ZER1: variants seen among roughly 807,000 people sequenced by gnomAD.
ZER1 encodes the protein zyg-11 related cell cycle regulator.
ZER1 carries 11 observed loss-of-function variants against 78.8 expected under a neutral mutation model. The observed-to-expected ratio is 0.14, with a 90% CI of 0.09 to 0.23. ZER1 has a LOEUF of 0.23. Among genes scored for constraint, ZER1 ranks in the 10% least tolerant of loss-of-function variants. The pLI is 1.00. For synonymous variants in ZER1, 400 were observed against 407.0 expected (o/e 0.98, Z 0.21); for missense variants, 588 against 996.9 (o/e 0.59, Z 5.52).
intron 13 of ZER1, among the ~76,000 whole-genome samples, chr9:128,738,365 T>C (rs1182433044): frequency 1.4e-5 from 2 of 145,202 alleles, no homozygotes; most frequent in African/African-American, 5.1e-5. Context: ...TCTTGTTTTT[T>C]TAATTTATTT....
intron 1 of ZER1, among the ~76,000 whole-genome samples, chr9:128,764,164 A>T (rs1244110991): frequency 6.6e-6 from 1 of 152,202 alleles, no homozygotes; most frequent in African/African-American, 2.4e-5. Context: ...ACTATTTGCT[A>T]AATGAACAAA....
In ZER1 at chr9:128,731,363, C is replaced by A; in HGVS notation, c.2275G>T (p.Glu759Ter). Reference sequence around the variant, plus strand: ...TATCTAGACGTGTCCATGTTCTCCTCTTTAAAGTTACTGCAGTGCTCAATC... The same window carrying A: ...TATCTAGACGTGTCCATGTTCTCCTATTTAAAGTTACTGCAGTGCTCAATC... ...KVIEHCSNFK[E>*]ENMDTSR The change falls in exon 16 of 16, where the codon GAG becomes TAG. Residue 759 changes from glutamate (E) to a stop codon, truncating the protein, a stop_gained. Coordinates refer to ENST00000291900, the MANE Select transcript of ZER1 (RefSeq NM_006336.4). LOFTEE classifies it high-confidence loss of function. 1.4e-6 allele frequency: 2 copies of A among 1,430,732 alleles called. No homozygotes were observed. The highest frequency in any genetic ancestry group is 1.5e-5 in the African/African-American group (1 of 65,262). 88.6% of individuals were successfully genotyped at this position (1,430,732 alleles called of 1,614,324 possible). A position where few individuals can be genotyped will look rare whatever the true frequency, so the allele number is the denominator to read the frequency against.
At chr9:128,731,441 G>GGGGTTGGGGGGGGGGGGGGGGGGGGGC in intron 15 of ZER1, 47 bp from the exon 16 acceptor site, 1 of 704,914 alleles carries the variant, frequency 1.4e-6, no homozygotes, top group Non-Finnish European at 2.6e-6. Flanking sequence ...CTTGGGTGGG[G>GGGGTTGGGGGGGGGGGGGGGGGGGGGC]GTGAGCCCAG....
chr9:128,766,365 A>G (rs1864208600), intron 1 of ZER1, among the ~76,000 whole-genome samples: 1 of 151,826 alleles, frequency 6.6e-6, no homozygotes, highest in Non-Finnish European at 1.5e-5. Context: ...AAAAAAAAAA[A>G]AGAACTCTGT....
intron 1 of ZER1, among the ~76,000 whole-genome samples, chr9:128,770,491 A>G (rs1468912067): frequency 6.6e-6 from 1 of 152,122 alleles, no homozygotes; most frequent in African/African-American, 2.4e-5. Flanking sequence ...CTCTGCCACA[A>G]GAGAACTACC....
At chr9:128,771,110 C>G (rs1302433279) in intron 1 of ZER1, among the ~76,000 whole-genome samples, 1 of 152,240 alleles carries the variant, frequency 6.6e-6, no homozygotes, top group East Asian at 1.9e-4. Context: ...ACAAGTTCCA[C>G]CCAGAGAGCT....
At chr9:128,769,372 T>C (rs558522776) in intron 1 of ZER1, among the ~76,000 whole-genome samples, 1 of 152,324 alleles carries the variant, frequency 6.6e-6, no homozygotes, top group African/African-American at 2.4e-5. Flanking sequence ...CCCATGATTT[T>C]ATCTAATCCA....
intron 1 of ZER1, among the ~76,000 whole-genome samples, chr9:128,762,032 T>C (rs868325549): frequency 3.9e-5 from 6 of 152,182 alleles, no homozygotes; most frequent in African/African-American, 1.4e-4. Flanking sequence ...GTCCATGGGC[T>C]GCATGTGGCC....
In ZER1 at chr9:128,753,726, C is replaced by T; in HGVS notation, c.309+83G>A. 1 of 1,558,892 alleles carries T rather than the reference C, an allele frequency of 6.4e-7. No individual in the cohort carries two copies. Among genetic ancestry groups the T allele is most frequent in the Admixed American group, 1.9e-5 (1 of 53,068 alleles). Reference sequence around the variant, plus strand: ...ACAGTCACGGTGCACACTGGCTGGGCTGGGGATGGCTGGGCTGGAGGCGAG... The same window carrying T: ...ACAGTCACGGTGCACACTGGCTGGGTTGGGGATGGCTGGGCTGGAGGCGAG... On this transcript the variant is annotated intron_variant, in intron 3 of 15. Transcript: ENST00000291900. This position sits in a 1 kb window ranked among gnomAD's most constrained non-coding sequence, Gnocchi z 7.5.
At position 128,755,391 on chromosome 9, in the gene ZER1, G is replaced by A. The variant is rs372700257; in HGVS notation, c.158+17C>T. 5.5e-5 allele frequency: 89 copies of A among 1,613,526 alleles called. No homozygotes were observed. The highest frequency in any genetic ancestry group is 1.6e-4 in the Middle Eastern group (1 of 6,078). ...ATGGTAAGACCCCTGCCCCTCCTCA[G>A]CCCTGGGTCTGCTCACTCATTGACG... On this transcript the variant is annotated intron_variant, in intron 2 of 15. Coordinates refer to ENST00000291900, the MANE Select transcript of ZER1 (RefSeq NM_006336.4). The surrounding 1 kb of genome is among the most constrained non-coding windows in gnomAD (Gnocchi z 5.6).
At chr9:128,758,404 G>A (rs1863931204) in intron 1 of ZER1, among the ~76,000 whole-genome samples, 1 of 151,296 alleles carries the variant, frequency 6.6e-6, no homozygotes, top group East Asian at 1.9e-4. Context: ...GGGATTACAG[G>A]TGTGAGCCAC....
intron 15 of ZER1, among the ~76,000 whole-genome samples, chr9:128,731,615 C>T (rs1862826121): frequency 6.6e-6 from 1 of 152,204 alleles, no homozygotes; most frequent in South Asian, 2.1e-4. Flanking sequence ...TCCTCCGCTT[C>T]CTTCCTTTCC....
At chr9:128,738,417 G>A (rs1221872642) in intron 13 of ZER1, among the ~76,000 whole-genome samples, 3 of 147,982 alleles carry the variant, frequency 2.0e-5, no homozygotes, top group Non-Finnish European at 4.5e-5. Flanking sequence ...ACGGAGTCTC[G>A]CTCTGTCGCC....
At chr9:128,735,757 CCTGGTTTTTTTT>C (rs1368111109) in intron 13 of ZER1, among the ~76,000 whole-genome samples, 10 of 77,368 alleles carry the variant, frequency 1.3e-4, no homozygotes, top group African/African-American at 2.8e-4. Context: ...GCACGTGTGA[CCTGGTTTTTTTT>C]TTTTTTTTTT....
intron 13 of ZER1, among the ~76,000 whole-genome samples, chr9:128,736,537 G>A (rs952640632): frequency 1.3e-5 from 2 of 150,972 alleles, no homozygotes; most frequent in African/African-American, 4.9e-5. Context: ...GGGACTACAG[G>A]TGCATGCCAC....
chr9:128,759,065 C>T (rs528931282), intron 1 of ZER1, among the ~76,000 whole-genome samples: 3 of 151,312 alleles, frequency 2.0e-5, no homozygotes, highest in Non-Finnish European at 4.4e-5. Context: ...GGCGCGATCT[C>T]GGCTCACTGC....
At chr9:128,759,605 C>T (rs928408805) in intron 1 of ZER1, among the ~76,000 whole-genome samples, 7 of 151,940 alleles carry the variant, frequency 4.6e-5, no homozygotes, top group Non-Finnish European at 7.4e-5. Context: ...ACCATCCTGG[C>T]TAACACAGTA....
chr9:128,771,039 G>C (rs1332219573), intron 1 of ZER1, among the ~76,000 whole-genome samples: 3 of 152,134 alleles, frequency 2.0e-5, no homozygotes, highest in Non-Finnish European at 2.9e-5. Flanking sequence ...AAAACGAATG[G>C]ACTGACAAAC....
At position 128,751,600 on chromosome 9, in the gene ZER1, G is replaced by A; in HGVS notation, c.924-73C>T. 7.6e-7 allele frequency: 1 copy of A among 1,312,278 alleles called. No homozygotes were observed. Among genetic ancestry groups the A allele is most frequent in the Non-Finnish European group, 1.1e-6 (1 of 924,602 alleles). 81.3% of individuals were successfully genotyped at this position (1,312,278 alleles called of 1,614,324 possible). On this transcript the variant is annotated intron_variant, in intron 5 of 15. Coordinates refer to ENST00000291900, the MANE Select transcript of ZER1 (RefSeq NM_006336.4). This position sits in a 1 kb window ranked among gnomAD's most constrained non-coding sequence, Gnocchi z 5.4. ...GCTGGGCCTCCCCACTGGGGGTGGT[G>A]AGGCATTTCCTTGCTTTCTCTTCTA... is the stretch of plus-strand genomic sequence containing the variant.
Sources: gnomAD v4.1 joint callset for allele counts (sites outside exome capture counted in the v4.1 genomes callset) on GRCh38, gnomAD v4.1.1 for gene constraint, Gnocchi (gnomAD v3.1) non-coding constraint, MANE v1.5 for transcripts, NCBI Gene and HGNC (gene_info 2026-07-23, HGNC 2026-07-21) for gene names.